Variants in PHAF1 observed in about 807,000 individuals in gnomAD.
The protein encoded by PHAF1 is phagophore assembly factor 1.
Under a neutral mutation model 63.1 loss-of-function variants are expected in PHAF1, and 23 were observed. That is an observed-to-expected ratio of 0.36 (90% confidence interval 0.26 to 0.52). PHAF1 has a LOEUF of 0.52. Among genes scored for constraint, PHAF1 ranks in the 20% least tolerant of loss-of-function variants. The pLI is 0.93. For missense variants in PHAF1, 427 were observed against 517.2 expected (o/e 0.83, Z 1.69); for synonymous variants, 167 against 185.0 (o/e 0.90, Z 0.79).
chr16:67,145,352 T>A (rs779882269), intron 12 of PHAF1, 24 bp from the exon 13 acceptor site: 1 of 1,613,872 alleles, frequency 6.2e-7, no homozygotes. Flanking sequence ...GCTACAAATC[T>A]GCCCCACTGT....
chr16:67,145,414 A>G lies in PHAF1; in HGVS notation c.1045A>G (p.Ser349Gly), dbSNP rs2029964611. ...DGQTETCTTY[S>G]KWDNIQELLG... is the part of the protein sequence containing the mutation. ...TCAGACAGAAACATGCACGACCTAC[A>G]GCAAGGTGAGCACCTATCTTCCTAC... The change falls in exon 13 of 16, where the codon AGC (serine) becomes GGC (glycine). Residue 349 changes from serine (S) to glycine (G), a missense_variant. Ser to Gly is a moderately conservative substitution (Grantham distance 56, BLOSUM62 0). Coordinates refer to ENST00000219139, the MANE Select transcript of PHAF1 (RefSeq NM_025187.5). 1.2e-6 allele frequency: 2 copies of G among 1,614,186 alleles called. No homozygotes were observed. Among genetic ancestry groups the G allele is most frequent in the African/African-American group, 2.7e-5 (2 of 75,042 alleles).
At chr16:67,146,223 G>A (rs964580581) in intron 14 of PHAF1, 55 bp from the exon 15 acceptor site, 7 of 1,510,144 alleles carry the variant, frequency 4.6e-6, no homozygotes, top group Non-Finnish European at 6.4e-6. Context: ...TGGATCCCTT[G>A]CTTTAAGGCC....
intron 6 of PHAF1, 172 bp downstream of exon 6, chr16:67,133,083 A>T (rs1963470033): frequency 1.6e-6 from 1 of 621,646 alleles, no homozygotes; most frequent in Admixed American, 2.8e-5. Flanking sequence ...TTGACAGAGG[A>T]AGAACAATGC....
chr16:67,126,523 T>C (rs1963194914), intron 3 of PHAF1, among the ~76,000 whole-genome samples: 1 of 152,106 alleles, frequency 6.6e-6, no homozygotes. Flanking sequence ...TAGGGCTATC[T>C]TAATTGGCAT....
intron 6 of PHAF1, 100 bp from the exon 7 acceptor site, chr16:67,134,068 A>C: frequency 9.8e-7 from 1 of 1,021,578 alleles, no homozygotes; most frequent in Non-Finnish European, 1.5e-6. Context: ...TGACCCTTTG[A>C]CCTGAGCAGC....
At chr16:67,142,825 G>A (rs1237582013) in intron 10 of PHAF1, among the ~76,000 whole-genome samples, 1 of 152,196 alleles carries the variant, frequency 6.6e-6, no homozygotes, top group Non-Finnish European at 1.5e-5. Flanking sequence ...GTTCCCATAG[G>A]CTCTGCATAG....
At chr16:67,142,046 G>A (rs1963832078) in intron 10 of PHAF1, among the ~76,000 whole-genome samples, 1 of 152,266 alleles carries the variant, frequency 6.6e-6, no homozygotes, top group South Asian at 2.1e-4. Context: ...AAGGAGAGGA[G>A]CTTTATTGGG....
intron 10 of PHAF1, 104 bp downstream of exon 10, chr16:67,140,698 T>C (rs1263508653): frequency 1.1e-6 from 1 of 932,732 alleles, no homozygotes; most frequent in African/African-American, 1.6e-5. Flanking sequence ...GCCTGGACAT[T>C]GGGGAACCTA....
rs1388790393 is a variant in PHAF1 at position 67,147,788 on chromosome 16, C to T, written c.*657C>T. 2 of 152,872 alleles carry T rather than the reference C, an allele frequency of 1.3e-5. No individual in the cohort carries two copies. The highest frequency in any genetic ancestry group is 3.2e-3 in the Middle Eastern group (1 of 316). The allele number at this position is 152,872 out of a possible 1,614,324, so 9.5% of individuals were successfully genotyped here. ...GTCAGCTTTCAAGATTGCCTGTGCC[C>T]CTGCTCTGCCCCATCCTGGCTGGCA... On this transcript the variant is annotated 3_prime_UTR_variant, in exon 16 of 16. Transcript: ENST00000219139.
chr16:67,117,612 TA>T (rs1286664742), intron 1 of PHAF1, among the ~76,000 whole-genome samples: 12 of 151,068 alleles, frequency 7.9e-5, no homozygotes, highest in African/African-American at 2.9e-4. Flanking sequence ...CTGTCTCTAC[TA>T]AAAAATACAA....
chr16:67,140,636 G>T, intron 10 of PHAF1, 42 bp downstream of exon 10: 1 of 1,395,822 alleles, frequency 7.2e-7, no homozygotes, highest in Non-Finnish European at 1.0e-6. Context: ...TTTCTATTGG[G>T]GTGGGCAGTG....
intron 1 of PHAF1, among the ~76,000 whole-genome samples, chr16:67,110,874 G>T (rs1315157288): frequency 6.6e-6 from 1 of 152,116 alleles, no homozygotes; most frequent in East Asian, 1.9e-4. Context: ...GCTGTTGCGT[G>T]ATCTTGGCTC....
intron 11 of PHAF1, 61 bp downstream of exon 11, chr16:67,144,437 A>G: frequency 7.8e-7 from 1 of 1,282,842 alleles, no homozygotes; most frequent in Non-Finnish European, 1.1e-6. Flanking sequence ...AAACCCCAGG[A>G]AAGAGCTTTT....
chr16:67,132,511 C>T lies in PHAF1; in HGVS notation c.341C>T (p.Ala114Val). ...TIEQIDQSFG[A>V]THPGVYNSAE... ...GAACAGATTGACCAGTCTTTTGGCG[C>T]AACCCATCCTGGAGGTAAGCCAAGT... The change falls in exon 5 of 16, where the codon GCA becomes GTA. Residue 114 changes from alanine to valine, a missense_variant. Coordinates refer to ENST00000219139, the MANE Select transcript of PHAF1 (RefSeq NM_025187.5). 1 of 1,614,092 alleles carries T rather than the reference C, an allele frequency of 6.2e-7. No individual in the cohort carries two copies. Among genetic ancestry groups the T allele is most frequent in the Non-Finnish European group, 8.5e-7 (1 of 1,179,960 alleles).
At chr16:67,132,695 C>A (rs1345037816) in intron 5 of PHAF1, 122 bp from the exon 6 acceptor site, 1 of 1,190,088 alleles carries the variant, frequency 8.4e-7, no homozygotes, top group East Asian at 2.4e-5. Flanking sequence ...ACCTAGTAGG[C>A]CAGTTTAGAA....
intron 3 of PHAF1, 152 bp downstream of exon 3, chr16:67,126,194 G>C (rs781607785): frequency 4.7e-5 from 29 of 612,756 alleles, no homozygotes; most frequent in Non-Finnish European, 7.7e-5. Context: ...AACTGAAGCT[G>C]TGCCTGTTCC....
intron 15 of PHAF1, among the ~76,000 whole-genome samples, chr16:67,146,791 A>G (rs2030126555): frequency 6.6e-6 from 1 of 152,160 alleles, no homozygotes; most frequent in Non-Finnish European, 1.5e-5. Context: ...CTGTGGATGC[A>G]GTATCTCCAG....
At position 67,109,965 on chromosome 16, in the gene PHAF1, G is replaced by T. The variant is rs1029427096; in HGVS notation, c.-211G>T. 14 of 525,384 alleles carry T rather than the reference G, an allele frequency of 2.7e-5. No homozygotes were observed. Among genetic ancestry groups the T allele is most frequent in the African/African-American group, 1.6e-4 (8 of 49,316 alleles). The allele number at this position is 525,384 out of a possible 1,614,324, so 32.5% of individuals were successfully genotyped here. The stretch of plus-strand genomic sequence containing the variant: ...TGCAGTCGCGCCCGCCGCCGTCGTT[G>T]CCCCCGCTGCCGCGGCTGCTGCAGG... On this transcript the variant is annotated 5_prime_UTR_variant, in exon 1 of 16. Transcript: ENST00000219139.
intron 1 of PHAF1, among the ~76,000 whole-genome samples, chr16:67,117,037 A>G (rs1358214830): frequency 6.6e-6 from 1 of 151,644 alleles, no homozygotes; most frequent in Non-Finnish European, 1.5e-5. Context: ...CTCTGGAAAC[A>G]AACTTTTTTT....
Sources: gnomAD v4.1 joint callset for allele counts (sites outside exome capture counted in the v4.1 genomes callset) on GRCh38, gnomAD v4.1.1 for gene constraint, MANE v1.5 for transcripts, NCBI Gene and HGNC (gene_info 2026-07-23, HGNC 2026-07-21) for gene names.